DTNA: variants seen among roughly 807,000 people sequenced by gnomAD.
DTNA encodes dystrobrevin alpha, also known as dystrophin-related protein 3.
In DTNA, 43 loss-of-function variants were observed where a neutral mutation model predicts 100.7. The observed-to-expected ratio is 0.43, with a 90% CI of 0.33 to 0.55. The LOEUF (loss-of-function observed/expected upper bound fraction) is 0.55, where lower values mean the gene tolerates loss of function less well. DTNA is among the 20% of genes least tolerant of loss of function. The probability of loss-of-function intolerance (pLI) is 0.04; values close to 1 mark genes in which losing one functional copy is unlikely to be tolerated. For synonymous variants in DTNA, 349 were observed against 347.9 expected (o/e 1.00, Z -0.04); for missense variants, 798 against 953.9 (o/e 0.84, Z 2.15).
chr18:34,615,636 T>G (rs1182464141), intron 1 of DTNA, among the ~76,000 whole-genome samples: 1 of 151,954 alleles, frequency 6.6e-6, no homozygotes, highest in African/African-American at 2.4e-5. Context: ...GTCACGGGGG[T>G]TTGTTGTACA....
intron 16 of DTNA, among the ~76,000 whole-genome samples, chr18:34,862,217 G>T (rs1191357065): frequency 6.7e-6 from 1 of 150,302 alleles, no homozygotes; most frequent in Non-Finnish European, 1.5e-5. Context: ...TTTGAAATTA[G>T]AATGCTTCAA....
intron 4 of DTNA, among the ~76,000 whole-genome samples, chr18:34,796,048 C>T (rs906241604): frequency 3.3e-5 from 5 of 152,208 alleles, no homozygotes; most frequent in Admixed American, 6.5e-5. Flanking sequence ...GCCTATTCTT[C>T]GTATAGATAG....
At chr18:34,763,990 A>C (rs2093338394) in intron 2 of DTNA, among the ~76,000 whole-genome samples, 2 of 152,184 alleles carry the variant, frequency 1.3e-5, no homozygotes, top group Admixed American at 1.3e-4. Context: ...TAATAATGAT[A>C]ATGTAGCTGC....
At chr18:34,667,525 G>C (rs2076111603) in intron 1 of DTNA, among the ~76,000 whole-genome samples, 1 of 152,178 alleles carries the variant, frequency 6.6e-6, no homozygotes, top group East Asian at 1.9e-4. Flanking sequence ...AATGCTTCCA[G>C]TTTTTGCCCA....
chr18:34,519,273 A>C (rs1388971675), intron 1 of DTNA, among the ~76,000 whole-genome samples: 1 of 152,152 alleles, frequency 6.6e-6, no homozygotes, highest in Non-Finnish European at 1.5e-5. Context: ...AAATCACCAG[A>C]AATCACTTAC....
chr18:34,829,023 C>A, intron 10 of DTNA: 3 of 1,614,116 alleles, frequency 1.9e-6, no homozygotes, highest in Non-Finnish European at 2.5e-6. Context: ...TACTGAAGGT[C>A]ATTTTATATC....
intron 1 of DTNA, among the ~76,000 whole-genome samples, chr18:34,651,184 A>G (rs1488605301): frequency 6.6e-6 from 1 of 152,224 alleles, no homozygotes; most frequent in Non-Finnish European, 1.5e-5. Flanking sequence ...TAGAATTACA[A>G]GTGGTATTTA....
At chr18:34,494,888 T>G (rs1162133154) in intron 1 of DTNA, among the ~76,000 whole-genome samples, 1 of 152,040 alleles carries the variant, frequency 6.6e-6, no homozygotes. Context: ...TAAAAAATAA[T>G]GGTTTTTTTT....
At chr18:34,866,885 T>C (rs1438062953) in intron 17 of DTNA, 1 of 1,085,730 alleles carries the variant, frequency 9.2e-7, no homozygotes, top group Non-Finnish European at 1.1e-6. Flanking sequence ...CTTTTTTTTT[T>C]TTCTGGAAAT....
chr18:34,618,726 T>C (rs747473668), intron 1 of DTNA, among the ~76,000 whole-genome samples: 5 of 152,200 alleles, frequency 3.3e-5, no homozygotes, highest in Non-Finnish European at 7.4e-5. Context: ...CTAAGCATTT[T>C]TCATTTTCGT....
In DTNA at chr18:34,835,443, T is replaced by C. The variant is rs942975481; in HGVS notation, c.1176-2651T>C. ...GACAACAAAAGTTAAGAGATGTATA[T>C]ATATAGAATATGTCTCATTCCTTTG... On this transcript the variant is annotated intron_variant, in intron 11 of 22. Transcript: ENST00000444659. 2.0e-5 allele frequency among the ~76,000 whole-genome samples: 3 copies of C among 152,120 alleles called. No individual in the cohort carries two copies. The South Asian group carries it at 6.2e-4, about 32-fold the overall frequency.
chr18:34,708,716 G>A (rs2082418694), upstream of DTNA, among the ~76,000 whole-genome samples: 1 of 152,170 alleles, frequency 6.6e-6, no homozygotes. Flanking sequence ...AGTTTATTCA[G>A]CAAAGGGAAG....
At chr18:34,706,343 G>A (rs548986993), upstream of DTNA, among the ~76,000 whole-genome samples, 2 of 152,206 alleles carry the variant, frequency 1.3e-5, no homozygotes, top group South Asian at 2.1e-4. Flanking sequence ...TTTCACAAAT[G>A]TTTTCTGTAT....
At chr18:34,519,775 C>T (rs936912136) in intron 1 of DTNA, among the ~76,000 whole-genome samples, 1 of 152,114 alleles carries the variant, frequency 6.6e-6, no homozygotes, top group Non-Finnish European at 1.5e-5. Context: ...AACAATGTGG[C>T]AACATAAGAC....
chr18:34,561,997 G>A (rs892109906), intron 1 of DTNA, among the ~76,000 whole-genome samples: 36 of 152,028 alleles, frequency 2.4e-4, no homozygotes, highest in African/African-American at 8.2e-4. Context: ...CACTCTCCAA[G>A]TTATCTTTGT....
At chr18:34,885,967 A>G (rs1225415500) in intron 22 of DTNA, among the ~76,000 whole-genome samples, 1 of 152,156 alleles carries the variant, frequency 6.6e-6, no homozygotes, top group East Asian at 1.9e-4. Flanking sequence ...GCTCCAGCTA[A>G]TAGCCATTTA....
chr18:34,858,221 C>T (rs2096575509), intron 15 of DTNA, 64 bp from the exon 16 acceptor site: 31 of 1,485,970 alleles, frequency 2.1e-5, no homozygotes, highest in Non-Finnish European at 2.8e-5. Flanking sequence ...CCTTGATCTG[C>T]TCCGATGTTA....
intron 17 of DTNA, chr18:34,868,103 A>G (rs2096726339): frequency 1.4e-6 from 1 of 726,328 alleles, no homozygotes; most frequent in African/African-American, 1.9e-5. Flanking sequence ...AAATGTGAAT[A>G]TGCTAATCTT....
chr18:34,664,570 C>A (rs2075643535), intron 1 of DTNA, among the ~76,000 whole-genome samples: 1 of 152,066 alleles, frequency 6.6e-6, no homozygotes, highest in East Asian at 1.9e-4. Context: ...TTCTGCTACA[C>A]CAGCCTTCCA....
Sources: gnomAD v4.1 joint callset for allele counts (sites outside exome capture counted in the v4.1 genomes callset) on GRCh38, gnomAD v4.1.1 for gene constraint, MANE v1.5 for transcripts, NCBI Gene and HGNC (gene_info 2026-07-23, HGNC 2026-07-21) for gene names.